The following CLVS1 variants were observed in gnomAD, a reference collection of about 807,000 sequenced individuals.
The protein encoded by CLVS1 is clavesin 1, also known as clavesin-1.
A neutral mutation model predicts 33.1 loss-of-function variants in CLVS1; 10 were observed. The ratio of observed to expected loss-of-function variants is 0.30; its 90% CI spans 0.19 to 0.51. CLVS1 has a LOEUF of 0.51. Among genes scored for constraint, CLVS1 ranks in the 20% least tolerant of loss-of-function variants. CLVS1 has a pLI of 0.97. For synonymous variants in CLVS1, 163 were observed against 166.1 expected (o/e 0.98, Z 0.14); for missense variants, 343 against 433.4 (o/e 0.79, Z 1.85).
intron 2 of CLVS1, among the ~76,000 whole-genome samples, chr8:61,151,517 C>T (rs977771075): frequency 2.0e-5 from 3 of 152,120 alleles, no homozygotes; most frequent in African/African-American, 4.8e-5. Context: ...GTTTCTAGTA[C>T]CCCCAAAGAC....
intron 2 of CLVS1, among the ~76,000 whole-genome samples, chr8:61,153,374 G>C (rs1806581621): frequency 1.3e-5 from 2 of 152,304 alleles, no homozygotes; most frequent in South Asian, 4.1e-4. Flanking sequence ...CAGGAAAGCA[G>C]TCACGATGGT....
Position 61,299,927 on chromosome 8 carries a change from A to C in CLVS1, c.100A>C (p.Thr34Pro). The change falls in exon 2 of 6, where the codon ACT becomes CCT. Residue 34 changes from threonine (T) to proline (P), a missense_variant. Coordinates refer to ENST00000325897, the MANE Select transcript of CLVS1 (RefSeq NM_173519.3). ...TTTACAGGCTGGACTCAGTCCAGAG[A>C]CTATAGAGAAAGCTCGCCTGGAACT... ...THLQAGLSPE[T>P]IEKARLELNE... 6.2e-7 allele frequency: 1 copy of C among 1,614,020 alleles called. No homozygotes were observed. The highest frequency in any genetic ancestry group is 1.3e-5 in the African/African-American group (1 of 75,042).
At chr8:61,410,410 A>G (rs1815174634) in intron 3 of CLVS1, among the ~76,000 whole-genome samples, 1 of 152,190 alleles carries the variant, frequency 6.6e-6, no homozygotes, top group Non-Finnish European at 1.5e-5. Context: ...AGGTTTAAAA[A>G]TAAGTTGTAA....
At chr8:61,064,536 CA>C (rs142365842) in intron 1 of CLVS1, among the ~76,000 whole-genome samples, 26,004 of 141,158 alleles carry the variant, frequency 0.18, 2,680 homozygotes, top group South Asian at 0.29. Context: ...GTTCTTTGCC[CA>C]TTTTTTTTTT....
chr8:61,249,794 CT>C, intron 2 of CLVS1, among the ~76,000 whole-genome samples: 2 of 152,038 alleles, frequency 1.3e-5, no homozygotes, highest in Middle Eastern at 6.8e-3. Context: ...TGTTTAAGTT[CT>C]TTGTAGATTC....
At chr8:61,314,043 A>G (rs1810931379) in intron 2 of CLVS1, among the ~76,000 whole-genome samples, 1 of 152,118 alleles carries the variant, frequency 6.6e-6, no homozygotes, top group Non-Finnish European at 1.5e-5. Flanking sequence ...CAACTCACAA[A>G]TTTTATATTC....
At chr8:60,993,876 G>A in the CLVS1 span, among the ~76,000 whole-genome samples, 2 of 152,184 alleles carry the variant, frequency 1.3e-5, no homozygotes. Context: ...TCAAGGCCAT[G>A]GAGTGAAAGT....
intron 3 of CLVS1, among the ~76,000 whole-genome samples, chr8:61,422,479 A>G (rs1349621252): frequency 6.6e-6 from 1 of 152,202 alleles, no homozygotes; most frequent in African/African-American, 2.4e-5. Flanking sequence ...AAATGAATCA[A>G]TGTTATTTGC....
At chr8:61,018,444 A>G in the CLVS1 span, among the ~76,000 whole-genome samples, 1 of 152,252 alleles carries the variant, frequency 6.6e-6, no homozygotes, top group East Asian at 1.9e-4. Flanking sequence ...AAAGATGAGC[A>G]GAAGTTGACC....
chr8:61,129,800 A>C (rs542215722), intron 1 of CLVS1, among the ~76,000 whole-genome samples: 1 of 152,316 alleles, frequency 6.6e-6, no homozygotes, highest in East Asian at 1.9e-4. Flanking sequence ...TTGGAGGTTA[A>C]CTTTACCTCT....
chr8:60,967,796 A>G, the CLVS1 span: 3 of 417,186 alleles, frequency 7.2e-6, no homozygotes, highest in Non-Finnish European at 1.4e-5. Context: ...ATGAGTACTC[A>G]GGGCTGCCTC....
chr8:61,304,359 G>T (rs1810540183), intron 2 of CLVS1, among the ~76,000 whole-genome samples: 1 of 152,204 alleles, frequency 6.6e-6, no homozygotes, highest in Admixed American at 6.5e-5. Flanking sequence ...GCAGTGCCTG[G>T]GCTACCTGAG....
At chr8:61,463,758 G>A (rs1427242117) in intron 5 of CLVS1, among the ~76,000 whole-genome samples, 1 of 151,912 alleles carries the variant, frequency 6.6e-6, no homozygotes, top group Non-Finnish European at 1.5e-5. Context: ...GATCACCATA[G>A]CAGATATAAG....
At chr8:61,070,273 C>T (rs1370597724) in intron 1 of CLVS1, among the ~76,000 whole-genome samples, 2 of 152,162 alleles carry the variant, frequency 1.3e-5, no homozygotes, top group East Asian at 1.9e-4. Context: ...ACATGCACTC[C>T]TCTTATTTTA....
At chr8:61,036,524 T>C in the CLVS1 span, among the ~76,000 whole-genome samples, 40 of 152,350 alleles carry the variant, frequency 2.6e-4, 1 homozygote, top group East Asian at 7.5e-3. Flanking sequence ...TCGTTGACTA[T>C]GGCTTGACTT....
At chr8:61,372,112 A>G (rs1226351375) in intron 2 of CLVS1, among the ~76,000 whole-genome samples, 1 of 152,188 alleles carries the variant, frequency 6.6e-6, no homozygotes, top group African/African-American at 2.4e-5. Context: ...TCCATTTGTC[A>G]TGTTAGTTCA....
the CLVS1 span, among the ~76,000 whole-genome samples, chr8:60,989,268 C>T: frequency 6.6e-6 from 1 of 152,116 alleles, no homozygotes; most frequent in Non-Finnish European, 1.5e-5. Flanking sequence ...GCAATCTCCA[C>T]CTCCCGGGTT....
intron 5 of CLVS1, among the ~76,000 whole-genome samples, chr8:61,474,637 G>A (rs941281936): frequency 6.6e-6 from 1 of 152,186 alleles, no homozygotes; most frequent in Non-Finnish European, 1.5e-5. Flanking sequence ...ATAACACCAA[G>A]CAGGTGAGAT....
chr8:61,121,267 A>G (rs933541873), intron 1 of CLVS1, among the ~76,000 whole-genome samples: 3 of 152,008 alleles, frequency 2.0e-5, no homozygotes, highest in Non-Finnish European at 4.4e-5. Context: ...ACCTGCACCC[A>G]CTGTCTGGCA....
Sources: gnomAD v4.1 joint callset for allele counts (sites outside exome capture counted in the v4.1 genomes callset) on GRCh38, gnomAD v4.1.1 for gene constraint, MANE v1.5 for transcripts, NCBI Gene and HGNC (gene_info 2026-07-23, HGNC 2026-07-21) for gene names.